The following COL4A5 variants were observed in gnomAD, a reference collection of about 807,000 sequenced individuals.
COL4A5 encodes collagen alpha-5(IV) chain.
COL4A5 carries 26 observed loss-of-function variants against 130.2 expected under a neutral mutation model. The ratio of observed to expected loss-of-function variants is 0.20; its 90% CI spans 0.15 to 0.28. The LOEUF is 0.28. Among genes scored for constraint, COL4A5 ranks in the 10% least tolerant of loss-of-function variants. COL4A5 has a pLI of 1.00. For missense variants in COL4A5, 1,131 were observed against 1,344.3 expected (o/e 0.84, Z 2.48); for synonymous variants, 496 against 439.6 (o/e 1.13, Z -1.60).
intron 2 of COL4A5, among the ~76,000 whole-genome samples, chrX:108,554,038 A>G (rs1339378731): frequency 1.8e-5 from 2 of 111,789 alleles, no homozygotes. Context: ...CTACAGTGAC[A>G]GAAAGCAGAT....
At chrX:108,573,512 GT>G in intron 8 of COL4A5, 61 bp from the exon 9 acceptor site, 1 of 777,095 alleles carries the variant, frequency 1.3e-6, no homozygotes, top group South Asian at 2.1e-5. Flanking sequence ...CATTTTTCTG[GT>G]TTTGCTGGTT....
chrX:108,626,148 C>T, intron 35 of COL4A5, 62 bp from the exon 36 acceptor site: 1 of 1,109,733 alleles, frequency 9.0e-7, no homozygotes, highest in Non-Finnish European at 1.2e-6. Context: ...TCATATGCAT[C>T]TTAGATAATC....
intron 43 of COL4A5, 97 bp downstream of exon 43, chrX:108,674,850 C>A: frequency 1.2e-6 from 1 of 843,390 alleles, no homozygotes; most frequent in Non-Finnish European, 1.7e-6. Context: ...ATTCAGAAGT[C>A]ATTGGAGAGT....
Position 108,597,065 on chromosome X carries a change from A to G in COL4A5, c.1584A>G (p.Leu528=), listed in dbSNP as rs370355907. 6.0e-5 allele frequency: 71 copies of G among 1,188,828 alleles called. No individual in the cohort carries two copies. The Middle Eastern group carries it at 6.9e-4, about 12-fold the overall frequency. The part of the protein sequence containing the change: ...GQAGATGPKG[L]PGIPGAPGAP... ...CTGGTGCAACTGGTCCCAAAGGATTACCAGTAAGTTTTGAGTATATTATAA... is the reference window on the plus strand; with the variant it reads ...CTGGTGCAACTGGTCCCAAAGGATTGCCAGTAAGTTTTGAGTATATTATAA... The change falls in exon 23 of 53, where the codon TTA becomes TTG. Residue 528 remains leucine, a synonymous_variant. Transcript: ENST00000328300.
chrX:108,497,981 G>T lies in COL4A5; in HGVS notation c.82-41765G>T, dbSNP rs183099309. ...TTGCTGGCTTATTCTTTTTCTTAAT[G>T]ATTTTTTGATGAGCAGGTGTTTTAC... On this transcript the variant is annotated intron_variant, in intron 1 of 52. Coordinates refer to ENST00000328300, the MANE Select transcript of COL4A5 (RefSeq NM_033380.3). Among the ~76,000 whole-genome samples the T allele has an allele frequency of 8.7e-3, 965 of 111,228 alleles. 20 individuals carry two copies. The highest frequency in any genetic ancestry group is 0.029 in the African/African-American group (903 of 30,724).
chrX:108,470,560 A>G (rs763772893), intron 1 of COL4A5, among the ~76,000 whole-genome samples: 2 of 111,630 alleles, frequency 1.8e-5, no homozygotes, highest in South Asian at 3.7e-4. Context: ...TGTTAGATGC[A>G]TAGTCTGTTA....
At chrX:108,523,923 C>T (rs1468952893) in intron 1 of COL4A5, among the ~76,000 whole-genome samples, 2 of 111,166 alleles carry the variant, frequency 1.8e-5, no homozygotes, top group African/African-American at 6.5e-5. Context: ...ATATAGTGAT[C>T]TTGTACCATG....
At chrX:108,669,688 A>G (rs779436864) in intron 41 of COL4A5, among the ~76,000 whole-genome samples, 5 of 112,079 alleles carry the variant, frequency 4.5e-5, no homozygotes, top group Non-Finnish European at 9.4e-5. Flanking sequence ...TTATATTTTA[A>G]TCATCACTGT....
chrX:108,454,324 C>T (rs1266666200), intron 1 of COL4A5, among the ~76,000 whole-genome samples: 1 of 111,539 alleles, frequency 9.0e-6, no homozygotes, highest in Non-Finnish European at 1.9e-5. Context: ...GTCGCCCAGG[C>T]TGGAGTGCAA....
intron 1 of COL4A5, among the ~76,000 whole-genome samples, chrX:108,455,293 T>G (rs1050688753): frequency 2.7e-5 from 3 of 112,351 alleles, no homozygotes; most frequent in African/African-American, 9.7e-5. Flanking sequence ...TATTGCACAG[T>G]AGAATTCCAT....
At chrX:108,495,847 T>C (rs1309694495) in intron 1 of COL4A5, among the ~76,000 whole-genome samples, 1 of 112,264 alleles carries the variant, frequency 8.9e-6, no homozygotes, top group Non-Finnish European at 1.9e-5. Flanking sequence ...TTCAGCATCC[T>C]GGACTTCCAC....
At chrX:108,510,469 C>T (rs60325930) in intron 1 of COL4A5, among the ~76,000 whole-genome samples, 11,533 of 109,829 alleles carry the variant, frequency 0.11, 1,301 homozygotes, top group African/African-American at 0.34. Flanking sequence ...TTGTCTTTCC[C>T]ACCAAGAATT....
chrX:108,580,792 G>A (rs2066232880), intron 15 of COL4A5, 54 bp downstream of exon 15: 1 of 1,079,417 alleles, frequency 9.3e-7, no homozygotes, highest in East Asian at 3.0e-5. Context: ...ATGTGTGTGT[G>A]TGTGATTTTA....
At chrX:108,613,517 A>G (rs1169162800) in intron 29 of COL4A5, among the ~76,000 whole-genome samples, 1 of 112,286 alleles carries the variant, frequency 8.9e-6, no homozygotes, top group Non-Finnish European at 1.9e-5. Context: ...TTTTCATATC[A>G]TATATCTGAC....
chrX:108,546,533 C>T (rs1335377365), intron 2 of COL4A5, among the ~76,000 whole-genome samples: 1 of 111,706 alleles, frequency 9.0e-6, no homozygotes, highest in East Asian at 2.8e-4. Flanking sequence ...TCTCTGGCTG[C>T]CCTTAGCTTT....
At chrX:108,603,182 G>T (rs1195629684) in intron 28 of COL4A5, 121 bp downstream of exon 28, 7 of 330,725 alleles carry the variant, frequency 2.1e-5, no homozygotes, top group Non-Finnish European at 3.2e-5. Flanking sequence ...TAAATATACA[G>T]ATAACTTATT....
chrX:108,460,933 A>T (rs1297964442), intron 1 of COL4A5, among the ~76,000 whole-genome samples: 2 of 110,438 alleles, frequency 1.8e-5, no homozygotes, highest in Non-Finnish European at 3.8e-5. Flanking sequence ...TTGCTTGCTT[A>T]TCTTTTACAG....
intron 42 of COL4A5, among the ~76,000 whole-genome samples, chrX:108,673,308 A>T (rs1013647103): frequency 1.8e-5 from 2 of 111,941 alleles, no homozygotes; most frequent in Non-Finnish European, 3.8e-5. Context: ...TAAGTAGCAG[A>T]GTCAAAAATA....
At chrX:108,651,229 T>G (rs2147928196) in intron 36 of COL4A5, among the ~76,000 whole-genome samples, 1 of 111,298 alleles carries the variant, frequency 9.0e-6, no homozygotes, top group Admixed American at 9.6e-5. Flanking sequence ...TAGGGGGAAA[T>G]GGAAAATTTT....
Sources: allele counts gnomAD v4.1 joint callset (sites outside exome capture counted in the v4.1 genomes callset), GRCh38; gene constraint gnomAD v4.1.1; transcripts MANE v1.5; gene names NCBI Gene and HGNC (gene_info 2026-07-23, HGNC 2026-07-21).